The following RAB18 variants were observed in gnomAD, a reference collection of about 807,000 sequenced individuals.
The protein encoded by RAB18 is RAB18, member RAS oncogene family, also known as ras-related protein Rab-18.
In RAB18, 10 loss-of-function variants were observed where a neutral mutation model predicts 28.5. The ratio of observed to expected loss-of-function variants is 0.35; its 90% CI spans 0.22 to 0.60. The LOEUF (loss-of-function observed/expected upper bound fraction) is 0.60, where lower values mean the gene tolerates loss of function less well. Ranked by LOEUF, RAB18 falls within the 20% of genes least tolerant of loss-of-function variation. RAB18 has a pLI of 0.78. For synonymous variants in RAB18, 93 were observed against 86.9 expected (o/e 1.07, Z -0.39); for missense variants, 188 against 244.2 (o/e 0.77, Z 1.53).
chr10:27,526,710 G>T, intron 2 of RAB18, 118 bp from the exon 3 acceptor site: 2 of 1,189,786 alleles, frequency 1.7e-6, no homozygotes, highest in Non-Finnish European at 2.5e-6. Flanking sequence ...ATTCTAAGAA[G>T]TTGGGGTGTG....
At chr10:27,531,736 AAG>A in intron 3 of RAB18, 1 of 553,504 alleles carries the variant, frequency 1.8e-6, no homozygotes, top group Non-Finnish European at 3.3e-6. Context: ...GTAGAAAGAC[AAG>A]AGAGAGAAGG....
intron 2 of RAB18, among the ~76,000 whole-genome samples, chr10:27,520,946 AT>A (rs1185652983): frequency 2.0e-5 from 3 of 146,752 alleles, no homozygotes; most frequent in African/African-American, 5.0e-5. Context: ...AAAAAAGAAA[AT>A]TTTTTTTTCT....
intron 3 of RAB18, among the ~76,000 whole-genome samples, chr10:27,530,519 C>T (rs181437697): frequency 6.6e-6 from 1 of 151,356 alleles, no homozygotes; most frequent in Non-Finnish European, 1.5e-5. Flanking sequence ...TATCTGGATA[C>T]TGAATAATTT....
chr10:27,516,282 G>A (rs569071237), intron 2 of RAB18, among the ~76,000 whole-genome samples: 11 of 152,206 alleles, frequency 7.2e-5, no homozygotes, highest in Admixed American at 3.3e-4. Flanking sequence ...TGGGCCAGGC[G>A]CAGTGGCTCA....
chr10:27,535,007 C>T (rs1378609799), intron 6 of RAB18, among the ~76,000 whole-genome samples: 2 of 152,122 alleles, frequency 1.3e-5, no homozygotes, highest in African/African-American at 4.8e-5. Flanking sequence ...AGCTTACATT[C>T]TAGTAAGGGA....
intron 2 of RAB18, among the ~76,000 whole-genome samples, chr10:27,510,989 A>C (rs1011256700): frequency 6.6e-6 from 1 of 152,172 alleles, no homozygotes; most frequent in African/African-American, 2.4e-5. Context: ...TTTTTAAAAA[A>C]ATGAGAGTAG....
At chr10:27,512,478 G>A (rs1316707816) in intron 2 of RAB18, among the ~76,000 whole-genome samples, 4 of 151,720 alleles carry the variant, frequency 2.6e-5, no homozygotes, top group African/African-American at 2.4e-5. Context: ...GCTAATTTTT[G>A]TATTTTTAGT....
At chr10:27,504,948 C>T (rs1210908595) in intron 1 of RAB18, 1 of 533,280 alleles carries the variant, frequency 1.9e-6, no homozygotes, top group East Asian at 5.4e-5. Context: ...TTGGGCGCAG[C>T]TTAATGTCGA....
chr10:27,524,157 T>C (rs1834626974), intron 2 of RAB18, among the ~76,000 whole-genome samples: 1 of 152,234 alleles, frequency 6.6e-6, no homozygotes, highest in Admixed American at 6.5e-5. Flanking sequence ...CTTAAACTCC[T>C]GGCCTCAAGC....
chr10:27,540,134 C>T lies in RAB18; in HGVS notation c.*2083C>T. The T allele has an allele frequency of 2.2e-6, 1 of 453,974 alleles. No individual in the cohort carries two copies. The highest frequency in any genetic ancestry group is 4.4e-6 in the Non-Finnish European group (1 of 226,744). The allele number at this position is 453,974 out of a possible 1,614,324, so 28.1% of individuals were successfully genotyped here. A position where few individuals can be genotyped will look rare whatever the true frequency, so the allele number is the denominator to read the frequency against. ...CTAGTAGTACTGAGATTGACCCAAACAAATAAAAAACTATTCAATTTCTGA... is the reference window on the plus strand; with the variant it reads ...CTAGTAGTACTGAGATTGACCCAAATAAATAAAAAACTATTCAATTTCTGA... On this transcript the variant is annotated 3_prime_UTR_variant, in exon 7 of 7. Coordinates refer to ENST00000356940, the MANE Select transcript of RAB18 (RefSeq NM_021252.5).
chr10:27,523,420 TA>T (rs1352964567), intron 2 of RAB18, among the ~76,000 whole-genome samples: 1 of 151,860 alleles, frequency 6.6e-6, no homozygotes, highest in African/African-American at 2.4e-5. Context: ...ATTGTTTGCA[TA>T]ATAGGCTGCT....
chr10:27,525,585 G>T (rs999202014), intron 2 of RAB18, among the ~76,000 whole-genome samples: 2 of 152,132 alleles, frequency 1.3e-5, no homozygotes, highest in Admixed American at 6.5e-5. Flanking sequence ...TGGCTGTGAA[G>T]AAATTTTATA....
chr10:27,513,474 C>G lies in RAB18; in HGVS notation c.124+3544C>G, dbSNP rs1834369481. Among the ~76,000 whole-genome samples, 3 of 152,158 alleles carry G rather than the reference C, an allele frequency of 2.0e-5. No individual in the cohort carries two copies. The South Asian group carries it at 6.2e-4, about 31-fold the overall frequency. ...TACCTTTTAGTAACTTAGTGAGACA[C>G]TTAAGTTTCTGTCTTGCATAAAATA... On this transcript the variant is annotated intron_variant, in intron 2 of 6. Transcript: ENST00000356940.
intron 6 of RAB18, among the ~76,000 whole-genome samples, chr10:27,536,342 G>A (rs926985346): frequency 5.3e-5 from 8 of 152,124 alleles, no homozygotes; most frequent in Non-Finnish European, 1.5e-5. Flanking sequence ...AACGTGGATA[G>A]AAAAGGGCTG....
At chr10:27,527,040 A>C (rs1280054987) in intron 3 of RAB18, 151 bp downstream of exon 3, 1 of 860,540 alleles carries the variant, frequency 1.2e-6, no homozygotes, top group African/African-American at 1.7e-5. Context: ...GATAAACAGT[A>C]ATGTCTTATA....
intron 2 of RAB18, among the ~76,000 whole-genome samples, chr10:27,517,184 G>A (rs1002082603): frequency 1.3e-5 from 2 of 151,992 alleles, no homozygotes; most frequent in African/African-American, 4.8e-5. Context: ...CCAACATGGT[G>A]AAACCCTGTC....
intron 1 of RAB18, among the ~76,000 whole-genome samples, chr10:27,505,591 C>T (rs1375147346): frequency 1.3e-5 from 2 of 152,178 alleles, no homozygotes; most frequent in Non-Finnish European, 1.5e-5. Context: ...GACGGAGTCT[C>T]GCTCTGTTGC....
At chr10:27,535,073 G>C (rs1249602256) in intron 6 of RAB18, among the ~76,000 whole-genome samples, 1 of 152,168 alleles carries the variant, frequency 6.6e-6, no homozygotes, top group Non-Finnish European at 1.5e-5. Context: ...TATAAGGGGA[G>C]AGAGAATGAC....
chr10:27,508,712 AGT>A (rs1177582731), intron 1 of RAB18, among the ~76,000 whole-genome samples: 1 of 152,098 alleles, frequency 6.6e-6, no homozygotes, highest in Non-Finnish European at 1.5e-5. Flanking sequence ...AGTAAGGGAG[AGT>A]TAATCGTTCA....
Sources: gnomAD v4.1 joint callset for allele counts (sites outside exome capture counted in the v4.1 genomes callset) on GRCh38, gnomAD v4.1.1 for gene constraint, MANE v1.5 for transcripts, NCBI Gene and HGNC (gene_info 2026-07-23, HGNC 2026-07-21) for gene names.